Variants in FAM168A observed in about 807,000 individuals in gnomAD.
The protein encoded by FAM168A is family with sequence similarity 168 member A.
Under a neutral mutation model 28.5 loss-of-function variants are expected in FAM168A, and 3 were observed. The observed-to-expected ratio is 0.11, with a 90% CI of 0.05 to 0.27. The LOEUF (loss-of-function observed/expected upper bound fraction) is 0.27. Among genes scored for constraint, FAM168A ranks in the 10% least tolerant of loss-of-function variants. The pLI, the probability that FAM168A is intolerant of heterozygous loss-of-function variation, is 1.00. For missense variants in FAM168A, 222 were observed against 311.5 expected (o/e 0.71, Z 2.16); for synonymous variants, 122 against 124.2 (o/e 0.98, Z 0.12).
chr11:73,553,628 T>C (rs1943853919), intron 1 of FAM168A, among the ~76,000 whole-genome samples: 1 of 152,108 alleles, frequency 6.6e-6, no homozygotes, highest in Non-Finnish European at 1.5e-5. Context: ...ATTTAACAAA[T>C]ACTTAGTCCC....
intron 1 of FAM168A, among the ~76,000 whole-genome samples, chr11:73,583,301 T>C (rs1176259918): frequency 6.6e-6 from 1 of 151,740 alleles, no homozygotes; most frequent in Non-Finnish European, 1.5e-5. Context: ...AGACTCTGTC[T>C]CAAAAACAAA....
chr11:73,589,982 CA>C, intron 1 of FAM168A, among the ~76,000 whole-genome samples: 1 of 152,204 alleles, frequency 6.6e-6, no homozygotes, highest in Middle Eastern at 3.4e-3. Context: ...ATATTCCATG[CA>C]AAACAACAAA....
chr11:73,527,697 G>C (rs527785802), intron 1 of FAM168A, among the ~76,000 whole-genome samples: 2 of 152,042 alleles, frequency 1.3e-5, no homozygotes, highest in South Asian at 4.2e-4. Context: ...TAGCAGAAGG[G>C]GGTTTTGCCC....
intron 2 of FAM168A, among the ~76,000 whole-genome samples, chr11:73,460,692 C>T (rs568493260): frequency 9.9e-5 from 15 of 151,878 alleles, no homozygotes; most frequent in South Asian, 6.2e-4. Flanking sequence ...TTAGTAGAGA[C>T]GGGGTTTCAC....
intron 1 of FAM168A, among the ~76,000 whole-genome samples, chr11:73,544,393 A>G (rs527397582): frequency 6.6e-6 from 1 of 152,262 alleles, no homozygotes; most frequent in East Asian, 1.9e-4. Flanking sequence ...GGTTAAACAT[A>G]GAGTTACCAC....
chr11:73,553,564 C>T (rs1278936709), intron 1 of FAM168A, among the ~76,000 whole-genome samples: 1 of 152,180 alleles, frequency 6.6e-6, no homozygotes, highest in Non-Finnish European at 1.5e-5. Flanking sequence ...CACTCGTCTA[C>T]TCCTGTAAAG....
intron 3 of FAM168A, among the ~76,000 whole-genome samples, chr11:73,428,294 C>A (rs917188359): frequency 6.6e-6 from 1 of 152,188 alleles, no homozygotes; most frequent in Admixed American, 6.5e-5. Context: ...CACACTCATA[C>A]CTGAGAAAAC....
intron 6 of FAM168A, among the ~76,000 whole-genome samples, chr11:73,408,559 C>G (rs1866549990): frequency 6.6e-6 from 1 of 151,878 alleles, no homozygotes; most frequent in South Asian, 2.1e-4. Context: ...TGGGTGGATC[C>G]CTTGAGCCCA....
At chr11:73,591,177 T>C (rs1242125387) in intron 1 of FAM168A, among the ~76,000 whole-genome samples, 2 of 152,132 alleles carry the variant, frequency 1.3e-5, no homozygotes, top group Non-Finnish European at 2.9e-5. Context: ...TTTAACAGCT[T>C]AAAACCAGGA....
chr11:73,411,259 T>C (rs971023954), intron 5 of FAM168A, 135 bp downstream of exon 5: 1 of 962,838 alleles, frequency 1.0e-6, no homozygotes, highest in Admixed American at 2.5e-5. Flanking sequence ...ATTGCTTCAG[T>C]GATACAACAA....
intron 1 of FAM168A, among the ~76,000 whole-genome samples, chr11:73,582,159 A>G (rs1193590352): frequency 6.6e-6 from 1 of 152,218 alleles, no homozygotes; most frequent in Non-Finnish European, 1.5e-5. Flanking sequence ...GCATAGATGC[A>G]TAAGTGATTA....
chr11:73,411,435 G>C lies in FAM168A; in HGVS notation c.379C>G (p.Pro127Ala). The part of the protein sequence containing the change: ...SPNPYQTAMY[P>A]IRSAYPQQNL... ...TGCTGGGGGTAGGCACTTCTGATTG[G>C]ATACATGGCCGTCTGATAGGGGTTG... Residue 127 changes from proline (P) to alanine (A), a missense_variant, in exon 5 of 8, where the codon CCA (proline) becomes GCA (alanine). Physicochemically the swap from Pro to Ala is conservative, Grantham distance 27. This residue lies in a region of FAM168A where 153 missense variants were observed against 189.2 expected (regional missense o/e 0.81). Coordinates refer to ENST00000356467, the MANE Select transcript of FAM168A (RefSeq NM_015159.3). 1 of 1,612,708 alleles carries C rather than the reference G, an allele frequency of 6.2e-7. No individual in the cohort carries two copies. Among genetic ancestry groups the C allele is most frequent in the Non-Finnish European group, 8.5e-7 (1 of 1,179,280 alleles).
At chr11:73,586,891 T>C (rs1236872717) in intron 1 of FAM168A, among the ~76,000 whole-genome samples, 1 of 152,198 alleles carries the variant, frequency 6.6e-6, no homozygotes, top group Non-Finnish European at 1.5e-5. Context: ...CAATTAATTT[T>C]CTAACATCCT....
At chr11:73,544,908 ATATATATTATATAT>A in intron 1 of FAM168A, among the ~76,000 whole-genome samples, 1 of 92,054 alleles carries the variant, frequency 1.1e-5, no homozygotes, top group South Asian at 2.5e-4. Context: ...ATATTATATA[ATATATATTATATAT>A]AATATAAAAT....
intron 1 of FAM168A, among the ~76,000 whole-genome samples, chr11:73,472,317 T>C (rs565639482): frequency 1.3e-5 from 2 of 152,284 alleles, no homozygotes; most frequent in South Asian, 2.1e-4. Context: ...GAGAAGAAAC[T>C]GTCCAAGTAG....
chr11:73,443,207 T>C (rs1867237209), intron 2 of FAM168A, among the ~76,000 whole-genome samples: 1 of 151,942 alleles, frequency 6.6e-6, no homozygotes, highest in Non-Finnish European at 1.5e-5. Context: ...CTTTTTAGAA[T>C]TATGTATACA....
At chr11:73,545,542 T>C (rs1489994613) in intron 1 of FAM168A, among the ~76,000 whole-genome samples, 2 of 152,090 alleles carry the variant, frequency 1.3e-5, no homozygotes, top group African/African-American at 4.8e-5. Context: ...ACTCTATATA[T>C]ACTAAAAACC....
intron 2 of FAM168A, among the ~76,000 whole-genome samples, chr11:73,441,395 G>A (rs1046550135): frequency 1.3e-5 from 2 of 152,168 alleles, no homozygotes; most frequent in African/African-American, 4.8e-5. Flanking sequence ...ACAATATCAG[G>A]TGTTGGATAG....
intron 3 of FAM168A, among the ~76,000 whole-genome samples, chr11:73,424,162 C>G (rs776321262): frequency 6.6e-6 from 1 of 152,200 alleles, no homozygotes; most frequent in African/African-American, 2.4e-5. Context: ...CAAGATCACA[C>G]AGCCCACAGC....
Sources: allele counts gnomAD v4.1 joint callset (sites outside exome capture counted in the v4.1 genomes callset), GRCh38; gene constraint gnomAD v4.1.1; regional missense constraint gnomAD v4.1.1; transcripts MANE v1.5; gene names NCBI Gene and HGNC (gene_info 2026-07-23, HGNC 2026-07-21).